SCMH1: variants seen among roughly 807,000 people sequenced by gnomAD.
SCMH1 encodes polycomb protein SCMH1.
Under a neutral mutation model 70.8 loss-of-function variants are expected in SCMH1, and 37 were observed. The observed-to-expected ratio is 0.52, with a 90% confidence interval of 0.40 to 0.69. SCMH1 has a LOEUF of 0.69. SCMH1 is among the 30% of genes least tolerant of loss of function. The probability of loss-of-function intolerance (pLI) is 0.00; values close to 1 mark genes in which losing one functional copy is unlikely to be tolerated. For synonymous variants in SCMH1, 292 were observed against 307.4 expected (o/e 0.95, Z 0.52); for missense variants, 607 against 827.3 (o/e 0.73, Z 3.27).
At chr1:41,206,774 G>C (rs1346885093) in intron 1 of SCMH1, among the ~76,000 whole-genome samples, 2 of 152,130 alleles carry the variant, frequency 1.3e-5, no homozygotes, top group Non-Finnish European at 2.9e-5. Flanking sequence ...AGGAAAAAAT[G>C]TTAAGGATAG....
chr1:41,035,243 A>T (rs573006643), intron 13 of SCMH1, among the ~76,000 whole-genome samples: 12 of 152,116 alleles, frequency 7.9e-5, no homozygotes, highest in African/African-American at 2.9e-4. Context: ...TGATGACTTA[A>T]ACTGCTCTTC....
chr1:41,034,131 G>C, intron 13 of SCMH1, 83 bp from the exon 14 acceptor site: 1 of 1,529,856 alleles, frequency 6.5e-7, no homozygotes, highest in Admixed American at 2.0e-5. Flanking sequence ...TGAGAGGTGA[G>C]ATGACTGACT....
rs746232966 is a variant in SCMH1, at chr1:41,028,334, G to A, written c.1822-15C>T. ...CCATCGATCTCCTGGGGGGTGGGGA[G>A]GTGGGCAGAAGTGGAAGGGAGGCAC... On this transcript the variant is annotated splice_polypyrimidine_tract_variant and intron_variant, in intron 14 of 14. Coordinates refer to ENST00000337495, the Ensembl canonical transcript of SCMH1. The A allele has an allele frequency of 1.2e-6, 2 of 1,613,396 alleles. No homozygotes were observed. The highest frequency in any genetic ancestry group is 1.7e-6 in the Non-Finnish European group (2 of 1,179,578).
intron 2 of SCMH1, among the ~76,000 whole-genome samples, chr1:41,166,881 T>G (rs1303172466): frequency 6.6e-6 from 1 of 152,154 alleles, no homozygotes. Flanking sequence ...GGTACTATGT[T>G]GAACAGAAGT....
intron 10 of SCMH1, among the ~76,000 whole-genome samples, chr1:41,054,211 G>A (rs1196120741): frequency 2.0e-5 from 3 of 152,136 alleles, no homozygotes; most frequent in Non-Finnish European, 4.4e-5. Flanking sequence ...TTGGAAGATC[G>A]ATGAAAGGGG....
chr1:41,236,026 T>C (rs571504785), intron 1 of SCMH1, among the ~76,000 whole-genome samples: 2 of 152,340 alleles, frequency 1.3e-5, no homozygotes, highest in South Asian at 4.1e-4. Context: ...AATTTTTTGC[T>C]GTAGCAGTGT....
At chr1:41,092,763 C>T (rs1258601055) in intron 8 of SCMH1, among the ~76,000 whole-genome samples, 1 of 151,884 alleles carries the variant, frequency 6.6e-6, no homozygotes, top group African/African-American at 2.4e-5. Context: ...CCAACAGACA[C>T]ATGAAAAAAT....
Position 41,113,305 on chromosome 1 carries a change from G to A in SCMH1, c.723C>T (p.Asn241=), listed in dbSNP as rs1326664985. ...TACCTTTGGTGCCAGGAGGCTGCAG[G>A]TTGTCTCCAGTCAAGGAACACCAGC... Residue 241 remains asparagine, a synonymous_variant, in exon 8 of 15, where the codon AAC becomes AAT. Transcript: ENST00000337495. This position sits in a 1 kb window ranked among gnomAD's most constrained non-coding sequence, Gnocchi z 4.3. 3 of 1,613,746 alleles carry A rather than the reference G, an allele frequency of 1.9e-6. No individual in the cohort carries two copies. Among genetic ancestry groups the A allele is most frequent in the Admixed American group, 1.7e-5 (1 of 59,974 alleles).
chr1:41,037,697 G>C (rs1645502262), intron 12 of SCMH1, among the ~76,000 whole-genome samples, 156 bp from the exon 13 acceptor site: 1 of 152,194 alleles, frequency 6.6e-6, no homozygotes, highest in Non-Finnish European at 1.5e-5. Flanking sequence ...GCTGTCATGA[G>C]GTGACCTTAG....
chr1:41,105,598 A>C (rs1667691277), intron 8 of SCMH1, among the ~76,000 whole-genome samples: 1 of 152,202 alleles, frequency 6.6e-6, no homozygotes, highest in South Asian at 2.1e-4. Context: ...TACATGGTAC[A>C]GGGCTTGTTT....
At position 41,113,739 on chromosome 1, in the gene SCMH1, T is replaced by C. The variant is rs1003080424; in HGVS notation, c.502-213A>G. On this transcript the variant is annotated intron_variant, in intron 7 of 14. Coordinates refer to ENST00000337495, the Ensembl canonical transcript of SCMH1. This position sits in a 1 kb window ranked among gnomAD's most constrained non-coding sequence, Gnocchi z 4.3. ...ACATTTTGACAACTTTGCTTCAGAT[T>C]TTTTAAAAAGGAAATAAAAGGTTGC... 6.6e-6 allele frequency among the ~76,000 whole-genome samples: 1 copy of C among 152,198 alleles called. No homozygotes were observed.
At chr1:41,102,175 G>GTA (rs1666803957) in intron 8 of SCMH1, among the ~76,000 whole-genome samples, 1 of 151,372 alleles carries the variant, frequency 6.6e-6, no homozygotes, top group Non-Finnish European at 1.5e-5. Context: ...GCACACGCAT[G>GTA]TGTGTGTGTG....
intron 6 of SCMH1, among the ~76,000 whole-genome samples, chr1:41,135,946 C>CTTT (rs904347707): frequency 3.6e-5 from 5 of 139,946 alleles, no homozygotes; most frequent in South Asian, 2.3e-4. Context: ...TGTATATTTT[C>CTTT]TTTTTTTTTT....
At chr1:41,163,613 G>A (rs1646219052) in intron 2 of SCMH1, among the ~76,000 whole-genome samples, 1 of 152,204 alleles carries the variant, frequency 6.6e-6, no homozygotes. Context: ...CAGGTACAGA[G>A]AAAATATCAT....
At chr1:41,086,610 TA>T (rs762884119) in intron 8 of SCMH1, among the ~76,000 whole-genome samples, 7 of 151,660 alleles carry the variant, frequency 4.6e-5, no homozygotes, top group African/African-American at 1.7e-4. Context: ...TTGTATGTAT[TA>T]AAAAAAACCA....
intron 8 of SCMH1, among the ~76,000 whole-genome samples, chr1:41,109,327 T>C (rs755373917): frequency 2.0e-5 from 3 of 152,178 alleles, no homozygotes; most frequent in Non-Finnish European, 2.9e-5. Context: ...GCAGGAAACA[T>C]TATCTTACTC....
rs1424544068 is a variant in SCMH1 at position 41,028,098 on chromosome 1, A to G, written c.*96T>C. 4.0e-6 allele frequency: 6 copies of G among 1,508,246 alleles called. No individual in the cohort carries two copies. In the Admixed American group the frequency reaches 1.1e-4, roughly 27 times the overall value. The allele number at this position is 1,508,246 out of a possible 1,614,324, so 93.4% of individuals were successfully genotyped here. A position where few individuals can be genotyped will look rare whatever the true frequency, so the allele number is the denominator to read the frequency against. ...TCTTGGAGTCCTGAGGTGGCCCGGAACCCCACTGAGGTGCCTGGGGTGGGC... is the reference window on the plus strand; with the variant it reads ...TCTTGGAGTCCTGAGGTGGCCCGGAGCCCCACTGAGGTGCCTGGGGTGGGC... On this transcript the variant is annotated 3_prime_UTR_variant, in exon 15 of 15. Coordinates refer to ENST00000337495, the Ensembl canonical transcript of SCMH1.
chr1:41,192,842 C>T (rs1652061960), intron 1 of SCMH1, among the ~76,000 whole-genome samples: 1 of 152,214 alleles, frequency 6.6e-6, no homozygotes, highest in South Asian at 2.1e-4. Flanking sequence ...CACCAATTCA[C>T]ATTCCTCTTC....
intron 1 of SCMH1, among the ~76,000 whole-genome samples, chr1:41,223,824 C>T (rs1659745189): frequency 6.6e-6 from 1 of 152,146 alleles, no homozygotes; most frequent in Admixed American, 6.5e-5. Context: ...AAGCTCCCTG[C>T]TCTGTCATTT....
Sources: allele counts gnomAD v4.1 joint callset (sites outside exome capture counted in the v4.1 genomes callset), GRCh38; gene constraint gnomAD v4.1.1; non-coding constraint Gnocchi (gnomAD v3.1); transcripts MANE v1.5; gene names NCBI Gene and HGNC (gene_info 2026-07-23, HGNC 2026-07-21).